TRIOBP: variants seen among roughly 807,000 people sequenced by gnomAD.
The protein encoded by TRIOBP is TRIO and F-actin-binding protein.
Under a neutral mutation model 238.8 loss-of-function variants are expected in TRIOBP, and 169 were observed. That is an observed-to-expected ratio of 0.71 (90% confidence interval 0.62 to 0.80). The LOEUF (loss-of-function observed/expected upper bound fraction) is 0.80, where lower values mean the gene tolerates loss of function less well. Ranked by LOEUF, TRIOBP falls within the 30% of genes least tolerant of loss-of-function variation. The probability of loss-of-function intolerance (pLI) is 0.00; values close to 1 mark genes in which losing one functional copy is unlikely to be tolerated. For missense variants in TRIOBP, 2,838 were observed against 3,122.6 expected (o/e 0.91, Z 2.17); for synonymous variants, 1,150 against 1,274.4 (o/e 0.90, Z 2.08).
At chr22:37,746,666 G>A (rs961932437) in intron 11 of TRIOBP, among the ~76,000 whole-genome samples, 3 of 152,252 alleles carry the variant, frequency 2.0e-5, no homozygotes, top group Admixed American at 6.5e-5. Flanking sequence ...CTGAGGGGAC[G>A]GAACGACCCG....
rs749482204 is a variant in TRIOBP, at chr22:37,725,839, G to T, written c.3283G>T (p.Glu1095Ter). 1 of 1,587,684 alleles carries T rather than the reference G, an allele frequency of 6.3e-7. No individual in the cohort carries two copies. The highest frequency in any genetic ancestry group is 1.1e-5 in the South Asian group (1 of 90,188). Residue 1095 changes from glutamate to a stop codon, truncating the protein, a stop_gained, in exon 7 of 24, where the codon GAG (glutamate) becomes TAG (stop). Coordinates refer to ENST00000644935, the MANE Select transcript of TRIOBP (RefSeq NM_001039141.3). LOFTEE classifies it high-confidence loss of function. ...CTTCCTCCCAGACACATCAGATGCCGAGCATCAGTGTCAGTCCCCCCAACA... is the reference window on the plus strand; with the variant it reads ...CTTCCTCCCAGACACATCAGATGCCTAGCATCAGTGTCAGTCCCCCCAACA... ...FPFLPDTSDA[E>*]HQCQSPQHEP... is the part of the protein sequence containing the mutation.
At chr22:37,751,032 G>A (rs754033165) in intron 11 of TRIOBP, 38 of 383,622 alleles carry the variant, frequency 9.9e-5, no homozygotes, top group Non-Finnish European at 1.8e-4. Context: ...AGGAAGGGAG[G>A]GTCTGGTGGT....
intron 11 of TRIOBP, among the ~76,000 whole-genome samples, chr22:37,746,044 C>CCCTGCCGTCCCGCCGT (rs1240441336): frequency 1.0e-4 from 14 of 134,546 alleles, no homozygotes; most frequent in Non-Finnish European, 2.3e-4. Context: ...CATCCGCCCA[C>CCCTGCCGTCCCGCCGT]CCCGCCGTCC....
In TRIOBP at chr22:37,772,698, A is replaced by G. The variant is rs1386480935; in HGVS notation, c.7034A>G (p.His2345Arg). 3 of 1,613,922 alleles carry G rather than the reference A, an allele frequency of 1.9e-6. No homozygotes were observed. In the African/African-American group the frequency reaches 4.0e-5, roughly 22 times the overall value. ...SEREIEQLKE[H>R]LRLAMAALQE... ...CGGGAGATCGAGCAGCTGAAGGAGCACCTGCGTCTTGCCATGGCCGCCCTC... is the reference window on the plus strand; with the variant it reads ...CGGGAGATCGAGCAGCTGAAGGAGCGCCTGCGTCTTGCCATGGCCGCCCTC... The change falls in exon 23 of 24, where the codon CAC (histidine) becomes CGC (arginine). Residue 2345 changes from histidine (H) to arginine (R), a missense_variant. This residue lies in a region of TRIOBP where 2,096 missense variants were observed against 2,137.4 expected (regional missense o/e 0.98). Coordinates refer to ENST00000644935, the MANE Select transcript of TRIOBP (RefSeq NM_001039141.3).
intron 11 of TRIOBP, among the ~76,000 whole-genome samples, chr22:37,741,651 G>C (rs1336124983): frequency 3.3e-5 from 5 of 152,216 alleles, no homozygotes; most frequent in African/African-American, 4.8e-5. Flanking sequence ...TGTTGGCTCT[G>C]AGTCCAGCAC....
Position 37,757,796 on chromosome 22 carries a change from G to GCGGGCCCGCAC in TRIOBP, c.5873_5883dup (p.Pro1962GlyfsTer57). ...CGCCGCTGACCCAGGCTTCCCCGCAGCGGGCCCGCACCCCAGCCCGCACTC... is the reference window on the plus strand; with the variant it reads ...CGCCGCTGACCCAGGCTTCCCCGCAGCGGGCCCGCACCGGGCCCGCACCCCAGCCCGCACTC... On this transcript the variant is annotated frameshift_variant, in exon 16 of 24. Transcript: ENST00000644935. LOFTEE classifies it high-confidence loss of function. 6.5e-7 allele frequency: 1 copy of GCGGGCCCGCAC among 1,547,966 alleles called. No individual in the cohort carries two copies. Among genetic ancestry groups the GCGGGCCCGCAC allele is most frequent in the Middle Eastern group, 1.7e-4 (1 of 5,960 alleles).
At position 37,701,308 on chromosome 22, in the gene TRIOBP, C is replaced by G; in HGVS notation, c.-58C>G. On this transcript the variant is annotated splice_region_variant and 5_prime_UTR_variant, in exon 3 of 24. Transcript: ENST00000644935. ...TGCCTCCCCCTCATTTTTGCCAGGC[C>G]TCACATAGACGGTCAGCCATTGGAT... 7.0e-7 allele frequency: 1 copy of G among 1,423,454 alleles called. No individual in the cohort carries two copies. Among genetic ancestry groups the G allele is most frequent in the Non-Finnish European group, 9.8e-7 (1 of 1,021,536 alleles). 88.2% of individuals were successfully genotyped at this position (1,423,454 alleles called of 1,614,324 possible). A position where few individuals can be genotyped will look rare whatever the true frequency, so the allele number is the denominator to read the frequency against.
rs1926952682 is a variant in TRIOBP, at chr22:37,774,683, T to C, written c.*903T>C. 6.6e-6 allele frequency: 1 copy of C among 152,200 alleles called. No individual in the cohort carries two copies. The allele number at this position is 152,200 out of a possible 1,614,324, so 9.4% of individuals were successfully genotyped here. On this transcript the variant is annotated 3_prime_UTR_variant, in exon 24 of 24. Transcript: ENST00000644935. ...TTAGTACAGACTGTGACGCCCCCAG[T>C]GTGGCTTGCAGGCTAGTGGCAGCGG... is the stretch of plus-strand genomic sequence containing the variant.
At chr22:37,717,955 T>C (rs1311004774) in intron 6 of TRIOBP, among the ~76,000 whole-genome samples, 1 of 152,182 alleles carries the variant, frequency 6.6e-6, no homozygotes, top group African/African-American at 2.4e-5. Flanking sequence ...AGCTCAGGCA[T>C]GGCGGGCTGC....
chr22:37,718,638 C>G (rs908842726), intron 6 of TRIOBP, among the ~76,000 whole-genome samples: 3 of 152,064 alleles, frequency 2.0e-5, no homozygotes, highest in East Asian at 3.9e-4. Flanking sequence ...TACACCTAAC[C>G]CCAGTGAAAC....
chr22:37,717,970 C>T (rs992025493), intron 6 of TRIOBP, among the ~76,000 whole-genome samples: 1 of 152,206 alleles, frequency 6.6e-6, no homozygotes, highest in Non-Finnish European at 1.5e-5. Flanking sequence ...GGCTGCAGGT[C>T]CCGAGCCCTG....
At chr22:37,733,868 A>G (rs1341157462) in intron 8 of TRIOBP, among the ~76,000 whole-genome samples, 1 of 151,986 alleles carries the variant, frequency 6.6e-6, no homozygotes, top group Non-Finnish European at 1.5e-5. Flanking sequence ...ACAGGGTTTC[A>G]CCATGTTGGC....
intron 17 of TRIOBP, among the ~76,000 whole-genome samples, chr22:37,762,017 G>A (rs1036441048): frequency 6.6e-6 from 1 of 152,014 alleles, no homozygotes; most frequent in African/African-American, 2.4e-5. Flanking sequence ...GGTGGGGCTG[G>A]GACCCATTCG....
rs564117320 is a variant in TRIOBP at position 37,759,339 on chromosome 22, T to C, written c.6324+75T>C. 4.7e-6 allele frequency: 7 copies of C among 1,474,142 alleles called. No individual in the cohort carries two copies. The East Asian group carries it at 1.6e-4, about 33-fold the overall frequency. The allele number at this position is 1,474,142 out of a possible 1,614,324, so 91.3% of individuals were successfully genotyped here. On this transcript the variant is annotated intron_variant, in intron 17 of 23. Transcript: ENST00000644935. ...CCGTGTTATCAGGAAACAGCTGAGA[T>C]TTTGGGAGCCCTTCCTGTGTGTGCT...
Position 37,771,671 on chromosome 22 carries a change from A to G in TRIOBP, c.6871A>G (p.Asn2291Asp). The G allele has an allele frequency of 6.2e-7, 1 of 1,614,088 alleles. No homozygotes were observed. The highest frequency in any genetic ancestry group is 8.5e-7 in the Non-Finnish European group (1 of 1,180,006). ...CCAGGTGCTGCTTCGCGTAAAAGAA[A>G]ACGAACTCCAGTACCTAAAGAAGGA... ...ELEVLLRVKENELQYLKKEVQ... is the reference protein window; with the variant it reads ...ELEVLLRVKEDELQYLKKEVQ... The change falls in exon 22 of 24, where the codon AAC (asparagine) becomes GAC (aspartate). Residue 2291 changes from asparagine to aspartate, a missense_variant. Transcript: ENST00000644935.
At chr22:37,728,290 C>T (rs1471160950) in intron 7 of TRIOBP, among the ~76,000 whole-genome samples, 5 of 149,250 alleles carry the variant, frequency 3.4e-5, no homozygotes, top group South Asian at 2.1e-4. Context: ...AAAAATTAGC[C>T]GGGCATAGTG....
intron 7 of TRIOBP, among the ~76,000 whole-genome samples, chr22:37,729,427 G>C (rs1311510610): frequency 6.6e-6 from 1 of 151,988 alleles, no homozygotes; most frequent in East Asian, 1.9e-4. Flanking sequence ...TGTTGCCCAG[G>C]TTGGTCTCAA....
chr22:37,746,849 G>A (rs903871879), intron 11 of TRIOBP, among the ~76,000 whole-genome samples: 5 of 149,824 alleles, frequency 3.3e-5, no homozygotes, highest in African/African-American at 1.2e-4. Flanking sequence ...CGTGGGTGCG[G>A]ATGGGTCGCG....
chr22:37,754,235 C>T (rs1198043152), intron 12 of TRIOBP, among the ~76,000 whole-genome samples: 1 of 152,074 alleles, frequency 6.6e-6, no homozygotes, highest in East Asian at 1.9e-4. Flanking sequence ...CATGATGAAA[C>T]CCTATCTCTA....
Sources: allele counts gnomAD v4.1 joint callset (sites outside exome capture counted in the v4.1 genomes callset), GRCh38; gene constraint gnomAD v4.1.1; regional missense constraint gnomAD v4.1.1; transcripts MANE v1.5; gene names NCBI Gene and HGNC (gene_info 2026-07-23, HGNC 2026-07-21).